The following PPM1L variants were observed in gnomAD, a reference collection of about 807,000 sequenced individuals.
The protein encoded by PPM1L is protein phosphatase, Mg2+/Mn2+ dependent 1L.
Under a neutral mutation model 31.4 loss-of-function variants are expected in PPM1L, and 13 were observed. The ratio of observed to expected loss-of-function variants is 0.41; its 90% confidence interval spans 0.27 to 0.66. The LOEUF is 0.66. Among genes scored for constraint, PPM1L ranks in the 30% least tolerant of loss-of-function variants. PPM1L has a pLI of 0.29. For missense variants in PPM1L, 326 were observed against 453.7 expected (o/e 0.72, Z 2.56); for synonymous variants, 184 against 175.4 (o/e 1.05, Z -0.39).
intron 1 of PPM1L, among the ~76,000 whole-genome samples, chr3:160,956,484 A>G (rs1190178201): frequency 2.6e-5 from 4 of 152,208 alleles, no homozygotes; most frequent in Non-Finnish European, 5.9e-5. Context: ...CTGCAAGGCA[A>G]CCTTTAATTC....
intron 2 of PPM1L, among the ~76,000 whole-genome samples, chr3:161,046,582 CATTTT>C (rs1719081971): frequency 1.3e-5 from 2 of 152,150 alleles, no homozygotes; most frequent in Non-Finnish European, 2.9e-5. Flanking sequence ...CTCCCTAACT[CATTTT>C]ATGAGGCCAG....
intron 1 of PPM1L, among the ~76,000 whole-genome samples, chr3:160,836,290 T>G (rs1449200830): frequency 6.6e-6 from 1 of 151,622 alleles, no homozygotes; most frequent in East Asian, 1.9e-4. Flanking sequence ...GCTCTTGAAT[T>G]TATTACTTTT....
intron 2 of PPM1L, among the ~76,000 whole-genome samples, chr3:161,025,416 A>T (rs1718351236): frequency 6.6e-6 from 1 of 152,026 alleles, no homozygotes; most frequent in Non-Finnish European, 1.5e-5. Context: ...TAAAAAAAAT[A>T]AATAAATTAG....
chr3:161,048,951 G>A (rs1719175957), intron 2 of PPM1L, among the ~76,000 whole-genome samples: 1 of 106,116 alleles, frequency 9.4e-6, no homozygotes, highest in Admixed American at 1.2e-4. Flanking sequence ...GAGGGGGGAG[G>A]GATAGCATTA....
In PPM1L at chr3:161,017,509, C is replaced by T. The variant is rs116753445; in HGVS notation, c.575-47894C>T. On this transcript the variant is annotated intron_variant, in intron 2 of 3. Coordinates refer to ENST00000498165, the MANE Select transcript of PPM1L (RefSeq NM_139245.4). ...AACTACCTACTTTTTGGTGCCTTAC[C>T]AAGGGTCCACAGTGTTCTATTTTCT... 6.5e-3 allele frequency among the ~76,000 whole-genome samples: 982 copies of T among 152,180 alleles called. 11 individuals are homozygous for T. The highest frequency in any genetic ancestry group is 0.023 in the African/African-American group (935 of 41,538).
chr3:160,775,281 T>C (rs111547463), intron 1 of PPM1L, among the ~76,000 whole-genome samples: 2 of 152,220 alleles, frequency 1.3e-5, no homozygotes, highest in African/African-American at 4.8e-5. Context: ...TCTCCTTTGC[T>C]GTGTGCCAAT....
At chr3:160,957,106 G>T (rs1868104) in intron 1 of PPM1L, among the ~76,000 whole-genome samples, 1 of 152,150 alleles carries the variant, frequency 6.6e-6, no homozygotes, top group East Asian at 1.9e-4. Context: ...ATTTGAGCCA[G>T]ACTTTGAAAG....
At chr3:161,066,206 A>G (rs1370972483) in intron 3 of PPM1L, among the ~76,000 whole-genome samples, 2 of 152,210 alleles carry the variant, frequency 1.3e-5, no homozygotes, top group South Asian at 2.1e-4. Context: ...AGTGCCTGGT[A>G]TAAGTAAATA....
At chr3:161,056,179 A>G (rs917278740) in intron 2 of PPM1L, among the ~76,000 whole-genome samples, 1 of 152,152 alleles carries the variant, frequency 6.6e-6, no homozygotes, top group Non-Finnish European at 1.5e-5. Context: ...ATTGAGTGGC[A>G]CTACTTAAGA....
At chr3:161,037,632 A>G (rs1442597029) in intron 2 of PPM1L, among the ~76,000 whole-genome samples, 1 of 125,980 alleles carries the variant, frequency 7.9e-6, no homozygotes, top group African/African-American at 3.1e-5. Flanking sequence ...GGGTTTCTCC[A>G]TGTTGGTCAG....
chr3:160,808,312 T>C (rs1341634201), intron 1 of PPM1L, among the ~76,000 whole-genome samples: 1 of 148,146 alleles, frequency 6.8e-6, no homozygotes, highest in East Asian at 1.9e-4. Context: ...TGTGTGTGTG[T>C]GTGTGTGTGC....
At chr3:160,892,276 G>T (rs1713179400) in intron 1 of PPM1L, among the ~76,000 whole-genome samples, 1 of 152,270 alleles carries the variant, frequency 6.6e-6, no homozygotes, top group Admixed American at 6.5e-5. Flanking sequence ...TTTTATTCGT[G>T]GCAAAAGGTG....
At chr3:160,935,788 C>G (rs1714951093) in intron 1 of PPM1L, among the ~76,000 whole-genome samples, 1 of 152,202 alleles carries the variant, frequency 6.6e-6, no homozygotes, top group Non-Finnish European at 1.5e-5. Flanking sequence ...TGTACTAAAT[C>G]TGCTTTAAAG....
chr3:160,765,785 G>A (rs1351790557), intron 1 of PPM1L, among the ~76,000 whole-genome samples: 1 of 152,124 alleles, frequency 6.6e-6, no homozygotes, highest in Non-Finnish European at 1.5e-5. Context: ...GTGTGGATGT[G>A]TTTGCATAAC....
chr3:160,964,412 A>G (rs1245005795), intron 2 of PPM1L, among the ~76,000 whole-genome samples: 1 of 152,066 alleles, frequency 6.6e-6, no homozygotes, highest in Non-Finnish European at 1.5e-5. Flanking sequence ...TATTTACTGT[A>G]TTAAATGGAA....
At chr3:160,796,208 A>G (rs568515719) in intron 1 of PPM1L, among the ~76,000 whole-genome samples, 1 of 152,360 alleles carries the variant, frequency 6.6e-6, no homozygotes, top group South Asian at 2.1e-4. Flanking sequence ...AAAGGAAAGC[A>G]TGCGAGCATG....
At chr3:160,835,028 TTA>T (rs1713653320) in intron 1 of PPM1L, among the ~76,000 whole-genome samples, 1 of 105,170 alleles carries the variant, frequency 9.5e-6, no homozygotes, top group East Asian at 3.5e-4. Context: ...ACTACTACTA[TTA>T]CTACTACTAC....
At chr3:160,969,794 A>G (rs994582735) in intron 2 of PPM1L, among the ~76,000 whole-genome samples, 5 of 152,232 alleles carry the variant, frequency 3.3e-5, no homozygotes, top group Non-Finnish European at 5.9e-5. Context: ...TTGACTGTGC[A>G]ACCTCTGACA....
intron 1 of PPM1L, among the ~76,000 whole-genome samples, chr3:160,958,108 G>A (rs1210310924): frequency 6.6e-6 from 1 of 152,152 alleles, no homozygotes; most frequent in Admixed American, 6.5e-5. Flanking sequence ...TCTGTAGGTT[G>A]TCTGTTTACT....
Sources: allele counts gnomAD v4.1 joint callset (sites outside exome capture counted in the v4.1 genomes callset), GRCh38; gene constraint gnomAD v4.1.1; transcripts MANE v1.5; gene names NCBI Gene and HGNC (gene_info 2026-07-23, HGNC 2026-07-21).